The following DISC1 variants were observed in gnomAD, a reference collection of about 807,000 sequenced individuals.
DISC1 encodes the protein disrupted in schizophrenia 1 protein.
Under a neutral mutation model 84.5 loss-of-function variants are expected in DISC1, and 57 were observed. That is an observed-to-expected ratio of 0.67 (90% CI 0.55 to 0.84). The LOEUF is 0.84. DISC1 is among the 40% of genes least tolerant of loss of function. The pLI is 0.00. For missense variants in DISC1, 1,000 were observed against 1,057.8 expected (o/e 0.95, Z 0.76); for synonymous variants, 411 against 415.2 (o/e 0.99, Z 0.12).
chr1:231,868,183 G>A (rs1182973299), intron 9 of DISC1, among the ~76,000 whole-genome samples: 1 of 152,166 alleles, frequency 6.6e-6, no homozygotes, highest in African/African-American at 2.4e-5. Flanking sequence ...GTGCTCGGTA[G>A]CACCTGCCCC....
intron 9 of DISC1, among the ~76,000 whole-genome samples, chr1:231,848,769 G>A (rs965100214): frequency 1.3e-5 from 2 of 152,088 alleles, no homozygotes; most frequent in Non-Finnish European, 2.9e-5. Context: ...GGGTGTTAAT[G>A]CCCCCTTTCT....
At chr1:231,759,246 C>T (rs1301231126) in intron 4 of DISC1, among the ~76,000 whole-genome samples, 1 of 152,164 alleles carries the variant, frequency 6.6e-6, no homozygotes, top group Non-Finnish European at 1.5e-5. Flanking sequence ...TAGGGACTAA[C>T]ACAGCATTCA....
intron 6 of DISC1, among the ~76,000 whole-genome samples, chr1:231,791,164 G>C (rs2078322421): frequency 6.6e-6 from 1 of 152,178 alleles, no homozygotes; most frequent in Admixed American, 6.5e-5. Flanking sequence ...TGTGAGTAAA[G>C]AATAATGTGT....
intron 8 of DISC1, among the ~76,000 whole-genome samples, chr1:231,812,333 A>G (rs761500867): frequency 6.6e-6 from 1 of 152,182 alleles, no homozygotes; most frequent in South Asian, 2.1e-4. Flanking sequence ...GCTTACAGGT[A>G]TGAGCCACCA....
intron 9 of DISC1, among the ~76,000 whole-genome samples, chr1:231,910,907 T>C (rs2089142320): frequency 6.6e-6 from 1 of 152,238 alleles, no homozygotes; most frequent in Non-Finnish European, 1.5e-5. Flanking sequence ...TCTTGTTGAA[T>C]TGATCCCTTT....
At chr1:231,836,786 G>A (rs1413394918) in intron 9 of DISC1, among the ~76,000 whole-genome samples, 2 of 152,106 alleles carry the variant, frequency 1.3e-5, no homozygotes, top group Non-Finnish European at 2.9e-5. Context: ...CAGGATGTCC[G>A]CGTGCTCTGG....
intron 12 of DISC1, among the ~76,000 whole-genome samples, chr1:232,030,590 T>C (rs1669913909): frequency 6.6e-6 from 1 of 152,202 alleles, no homozygotes; most frequent in Non-Finnish European, 1.5e-5. Flanking sequence ...GTTTTGGTGG[T>C]GCTTGAGGGC....
intron 9 of DISC1, among the ~76,000 whole-genome samples, chr1:231,927,552 C>T (rs1296478437): frequency 6.6e-6 from 1 of 152,200 alleles, no homozygotes; most frequent in Non-Finnish European, 1.5e-5. Flanking sequence ...CCTGAAACCC[C>T]TCATCCACCT....
intron 1 of DISC1, among the ~76,000 whole-genome samples, chr1:231,693,302 A>G (rs2065264027): frequency 6.6e-6 from 1 of 152,270 alleles, no homozygotes; most frequent in Admixed American, 6.5e-5. Flanking sequence ...ATTGCGGCAC[A>G]GCCAGCTATC....
chr1:232,034,211 T>C (rs1015250897), intron 12 of DISC1, among the ~76,000 whole-genome samples: 11 of 152,320 alleles, frequency 7.2e-5, no homozygotes, highest in Admixed American at 5.9e-4. Context: ...AACCCTGCTT[T>C]GACAGAGCCT....
At position 231,630,287 on chromosome 1, in the gene DISC1, T is replaced by C. The variant is rs2058609789; in HGVS notation, c.67+3353T>C. Among the ~76,000 whole-genome samples the C allele has an allele frequency of 6.6e-6, 1 of 152,084 alleles. No homozygotes were observed. Among genetic ancestry groups the C allele is most frequent in the Non-Finnish European group, 1.5e-5 (1 of 68,020 alleles). On this transcript the variant is annotated intron_variant, in intron 1 of 12. Coordinates refer to ENST00000439617, the MANE Select transcript of DISC1 (RefSeq NM_018662.3). The surrounding 1 kb of genome is among the most constrained non-coding windows in gnomAD (Gnocchi z 4.4). Reference sequence around the variant, plus strand: ...TTTCTGAGTACAAAAAAAGGTAATATTTTAGGTTAGGGTCATTAGACCAGA... The same window carrying C: ...TTTCTGAGTACAAAAAAAGGTAATACTTTAGGTTAGGGTCATTAGACCAGA...
At chr1:231,650,192 G>T in intron 1 of DISC1, among the ~76,000 whole-genome samples, 1 of 152,170 alleles carries the variant, frequency 6.6e-6, no homozygotes, top group Admixed American at 6.5e-5. Context: ...TTTTTGCAGT[G>T]GCTGGTACCC....
intron 1 of DISC1, among the ~76,000 whole-genome samples, chr1:231,691,151 G>A (rs1026373711): frequency 4.6e-5 from 7 of 152,082 alleles, no homozygotes; most frequent in African/African-American, 9.7e-5. Flanking sequence ...GGGGCTGGGC[G>A]CGGTGGCTGT....
At position 231,694,291 on chromosome 1, in the gene DISC1, C is replaced by T; in HGVS notation, c.533C>T (p.Pro178Leu). The change falls in exon 2 of 13, where the codon CCA (proline) becomes CTA (leucine). Residue 178 changes from proline to leucine, a missense_variant. Physicochemically the swap from Pro to Leu is moderately conservative, Grantham distance 98. Around this residue, in one of 3 missense-constraint regions of DISC1, gnomAD observed 292 missense variants for 280.2 expected, o/e 1.04. Transcript: ENST00000439617. Reference protein sequence around the residue: ...ARRVRAAGSLPSAELSSNSCS... With the variant: ...ARRVRAAGSLLSAELSSNSCS... ...CGTGTCCGGGCAGCAGGCTCTCTGC[C>T]ATCAGCAGAGTTGAGTAGCAACAGC... 1 of 1,614,260 alleles carries T rather than the reference C, an allele frequency of 6.2e-7. No individual in the cohort carries two copies. The highest frequency in any genetic ancestry group is 1.3e-5 in the African/African-American group (1 of 75,072).
intron 9 of DISC1, among the ~76,000 whole-genome samples, chr1:231,942,242 G>C (rs550282230): frequency 5.9e-5 from 9 of 152,344 alleles, no homozygotes; most frequent in African/African-American, 2.2e-4. Context: ...AGGTGCAGGG[G>C]AGGTGTAGGC....
At chr1:231,878,171 CAGAT>C (rs1358165721) in intron 9 of DISC1, among the ~76,000 whole-genome samples, 1 of 152,102 alleles carries the variant, frequency 6.6e-6, no homozygotes, top group Non-Finnish European at 1.5e-5. Flanking sequence ...ATGAACAAGA[CAGAT>C]AGGCACTCTG....
chr1:232,014,964 C>G (rs966100518), intron 11 of DISC1, among the ~76,000 whole-genome samples: 1 of 152,200 alleles, frequency 6.6e-6, no homozygotes, highest in African/African-American at 2.4e-5. Flanking sequence ...AACTGGCCTA[C>G]AGAAGTGAAG....
Position 231,980,395 on chromosome 1 carries a change from T to C in DISC1, c.2042+21507T>C, listed in dbSNP as rs138159502. On this transcript the variant is annotated intron_variant, in intron 10 of 12. Coordinates refer to ENST00000439617, the MANE Select transcript of DISC1 (RefSeq NM_018662.3). ...ACCAGAATCCTCTTTAGATTTTAGA[T>C]TTTTCAGGGGTGTGTTTGTGACTCA... 4.7e-3 allele frequency among the ~76,000 whole-genome samples: 710 copies of C among 152,274 alleles called. 7 individuals are homozygous for C. Among genetic ancestry groups the C allele is most frequent in the African/African-American group, 0.016 (668 of 41,552 alleles).
rs901319721 is a variant in DISC1, at chr1:231,866,797, A to G, written c.1981+48280A>G. 5 of 1,088,528 alleles carry G rather than the reference A, an allele frequency of 4.6e-6. No individual in the cohort carries two copies. The Admixed American group carries it at 1.5e-4, about 33-fold the overall frequency. The allele number at this position is 1,088,528 out of a possible 1,614,324, so 67.4% of individuals were successfully genotyped here. On this transcript the variant is annotated intron_variant, in intron 9 of 12. Coordinates refer to ENST00000439617, the MANE Select transcript of DISC1 (RefSeq NM_018662.3). ...AAAGGGTATAATTAATCTGTAATTA[A>G]AGTCATGATAGTTTCTTAATACGAG...
Sources: allele counts gnomAD v4.1 joint callset (sites outside exome capture counted in the v4.1 genomes callset), GRCh38; gene constraint gnomAD v4.1.1; regional missense constraint gnomAD v4.1.1; non-coding constraint Gnocchi (gnomAD v3.1); transcripts MANE v1.5; gene names NCBI Gene and HGNC (gene_info 2026-07-23, HGNC 2026-07-21).